Variants in KIRREL3 observed in about 807,000 individuals in gnomAD.
KIRREL3 encodes the protein kin of IRRE-like protein 3.
KIRREL3 carries 36 observed loss-of-function variants against 89.7 expected under a neutral mutation model. The observed-to-expected ratio is 0.40, with a 90% CI of 0.31 to 0.53. The LOEUF (loss-of-function observed/expected upper bound fraction) is 0.53. Ranked by LOEUF, KIRREL3 falls within the 20% of genes least tolerant of loss-of-function variation. The probability of loss-of-function intolerance (pLI) is 0.49; values close to 1 mark genes in which losing one functional copy is unlikely to be tolerated. For synonymous variants in KIRREL3, 445 were observed against 441.4 expected, an observed-to-expected ratio of 1.01 and a Z score of -0.10; for missense variants, 864 against 1,056.6, an observed-to-expected ratio of 0.82 and a Z score of 2.53.
At position 126,763,434 on chromosome 11, in the gene KIRREL3, G is replaced by A. The variant is rs770023897; in HGVS notation, c.56-200522C>T. On this transcript the variant is annotated intron_variant, in intron 1 of 16. Coordinates refer to ENST00000525144, the MANE Select transcript of KIRREL3 (RefSeq NM_032531.4). This position sits in a 1 kb window ranked among gnomAD's most constrained non-coding sequence, Gnocchi z 4.7. ...TGCAGGGGGAGAAGAGCAGGGAGAG[G>A]GCATGAGGATGCAGTGGGTGGGAGG... Among the ~76,000 whole-genome samples, 2 of 152,152 alleles carry A rather than the reference G, an allele frequency of 1.3e-5. No homozygotes were observed. Among genetic ancestry groups the A allele is most frequent in the South Asian group, 2.1e-4 (1 of 4,818 alleles).
chr11:126,575,548 T>C lies in KIRREL3; in HGVS notation c.56-12636A>G, dbSNP rs1209173164. Reference sequence around the variant, plus strand: ...AGCCCCTATAAATGGTACTTACTTATAAATATAATATATTATTAGAAAGTA... The same window carrying C: ...AGCCCCTATAAATGGTACTTACTTACAAATATAATATATTATTAGAAAGTA... On this transcript the variant is annotated intron_variant, in intron 1 of 16. Transcript: ENST00000525144. The surrounding 1 kb of genome is among the most constrained non-coding windows in gnomAD (Gnocchi z 7.0). 2.0e-5 allele frequency among the ~76,000 whole-genome samples: 3 copies of C among 152,190 alleles called. No individual in the cohort carries two copies. Among genetic ancestry groups the C allele is most frequent in the African/African-American group, 7.2e-5 (3 of 41,426 alleles).
chr11:126,690,574 A>C (rs1946842236), intron 1 of KIRREL3, among the ~76,000 whole-genome samples: 1 of 152,096 alleles, frequency 6.6e-6, no homozygotes, highest in Admixed American at 6.5e-5. Flanking sequence ...GTCCCTAGGT[A>C]ACCATCTGTG....
In KIRREL3 at chr11:126,564,817, T is replaced by C. The variant is rs1591746977; in HGVS notation, c.56-1905A>G. Among the ~76,000 whole-genome samples the C allele has an allele frequency of 6.6e-6, 1 of 151,920 alleles. No individual in the cohort carries two copies. Among genetic ancestry groups the C allele is most frequent in the Non-Finnish European group, 1.5e-5 (1 of 67,980 alleles). On this transcript the variant is annotated intron_variant, in intron 1 of 16. Transcript: ENST00000525144. This position sits in a 1 kb window ranked among gnomAD's most constrained non-coding sequence, Gnocchi z 7.4. ...AGTGGAAGTACAAGCTGCGAGGAGGTGCTGAGCTCCCTGGAACAATAGCCT... is the reference window on the plus strand; with the variant it reads ...AGTGGAAGTACAAGCTGCGAGGAGGCGCTGAGCTCCCTGGAACAATAGCCT...
intron 1 of KIRREL3, among the ~76,000 whole-genome samples, chr11:126,839,277 G>A (rs577693241): frequency 6.6e-6 from 1 of 152,290 alleles, no homozygotes; most frequent in East Asian, 1.9e-4. Flanking sequence ...CCTTCAGAGA[G>A]CTCATTGTCT....
intron 1 of KIRREL3, among the ~76,000 whole-genome samples, chr11:126,882,584 G>A (rs905471840): frequency 1.3e-5 from 2 of 152,276 alleles, no homozygotes; most frequent in East Asian, 1.9e-4. Context: ...GAGGAATTAC[G>A]TCCCTCAATC....
Position 126,565,987 on chromosome 11 carries a change from C to T in KIRREL3, c.56-3075G>A, listed in dbSNP as rs1257086132. On this transcript the variant is annotated intron_variant, in intron 1 of 16. Transcript: ENST00000525144. The surrounding 1 kb of genome is among the most constrained non-coding windows in gnomAD (Gnocchi z 5.4). ...ACCACCAGACTGTCACCTTCCTTGTCCCATAGCATGGAGATGAATGGGAGA... is the reference window on the plus strand; with the variant it reads ...ACCACCAGACTGTCACCTTCCTTGTTCCATAGCATGGAGATGAATGGGAGA... 6.6e-6 allele frequency among the ~76,000 whole-genome samples: 1 copy of T among 152,156 alleles called. No individual in the cohort carries two copies. Among genetic ancestry groups the T allele is most frequent in the African/African-American group, 2.4e-5 (1 of 41,428 alleles).
intron 1 of KIRREL3, among the ~76,000 whole-genome samples, chr11:126,942,535 T>C (rs1948485880): frequency 1.3e-5 from 2 of 152,150 alleles, no homozygotes; most frequent in South Asian, 4.1e-4. Flanking sequence ...CCCAGGTCCA[T>C]GTCGTCCCTG....
rs1944904727 is a variant in KIRREL3 at position 126,651,467 on chromosome 11, A to AT, written c.56-88556dup. Among the ~76,000 whole-genome samples, 1 of 152,198 alleles carries AT rather than the reference A, an allele frequency of 6.6e-6. No individual in the cohort carries two copies. The highest frequency in any genetic ancestry group is 6.5e-5 in the Admixed American group (1 of 15,288). On this transcript the variant is annotated intron_variant, in intron 1 of 16. Transcript: ENST00000525144. This position sits in a 1 kb window ranked among gnomAD's most constrained non-coding sequence, Gnocchi z 4.6. ...GAGTCAGTGTAATTTCTCATGGCTG[A>AT]TTTTGACAGGAGATGTCAGGTTAGT...
intron 1 of KIRREL3, among the ~76,000 whole-genome samples, chr11:126,690,393 C>A (rs1181248919): frequency 6.8e-6 from 1 of 147,890 alleles, no homozygotes; most frequent in African/African-American, 2.5e-5. Flanking sequence ...AGTTTCAGAG[C>A]AGTTTTAGGG....
intron 1 of KIRREL3, among the ~76,000 whole-genome samples, chr11:126,714,543 G>A (rs948179470): frequency 6.6e-6 from 1 of 152,158 alleles, no homozygotes; most frequent in Non-Finnish European, 1.5e-5. Flanking sequence ...GTGCTGGAGA[G>A]TTTCCGCCCT....
rs980479853 is a variant in KIRREL3, at chr11:126,860,797, A to G, written c.55+139658T>C. Among the ~76,000 whole-genome samples, 2 of 152,144 alleles carry G rather than the reference A, an allele frequency of 1.3e-5. No homozygotes were observed. Among genetic ancestry groups the G allele is most frequent in the African/African-American group, 2.4e-5 (1 of 41,436 alleles). ...TGAGACTCTTAGAATGTCCAAGGAG[A>G]GGGCAGAGGTACAAATGCAAGATGG... On this transcript the variant is annotated intron_variant, in intron 1 of 16. Coordinates refer to ENST00000525144, the MANE Select transcript of KIRREL3 (RefSeq NM_032531.4). The surrounding 1 kb of genome is among the most constrained non-coding windows in gnomAD (Gnocchi z 4.6).
At chr11:126,921,580 TTCTATCTATCTA>T (rs201891981) in intron 1 of KIRREL3, among the ~76,000 whole-genome samples, 938 of 32,510 alleles carry the variant, frequency 0.029, 49 homozygotes, top group African/African-American at 0.07. Flanking sequence ...TATATCTGTC[TTCTATCTATCTA>T]TCTATCTATC....
intron 4 of KIRREL3, among the ~76,000 whole-genome samples, chr11:126,479,505 C>T (rs1447454521): frequency 6.6e-6 from 1 of 152,248 alleles, no homozygotes; most frequent in African/African-American, 2.4e-5. Context: ...AAAGCAGACT[C>T]TTGTGCTCCA....
In KIRREL3 at chr11:126,568,567, A is replaced by G. The variant is rs1225783976; in HGVS notation, c.56-5655T>C. Among the ~76,000 whole-genome samples the G allele has an allele frequency of 6.6e-6, 1 of 152,190 alleles. No individual in the cohort carries two copies. Among genetic ancestry groups the G allele is most frequent in the Non-Finnish European group, 1.5e-5 (1 of 68,012 alleles). ...ACCAGCTGGGTTTGGTTGGACTCAC[A>G]GGGAGGCCACATGGGGCAGGGGAGG... On this transcript the variant is annotated intron_variant, in intron 1 of 16. Coordinates refer to ENST00000525144, the MANE Select transcript of KIRREL3 (RefSeq NM_032531.4). The surrounding 1 kb of genome is among the most constrained non-coding windows in gnomAD (Gnocchi z 4.6).
At chr11:126,584,535 C>G (rs1314565363) in intron 1 of KIRREL3, among the ~76,000 whole-genome samples, 2 of 152,300 alleles carry the variant, frequency 1.3e-5, no homozygotes, top group South Asian at 4.1e-4. Context: ...TGGGTATGAC[C>G]GAGCCTGGCT....
chr11:126,576,368 T>G lies in KIRREL3; in HGVS notation c.56-13456A>C, dbSNP rs1195879546. Among the ~76,000 whole-genome samples, 1 of 152,120 alleles carries G rather than the reference T, an allele frequency of 6.6e-6. No homozygotes were observed. The highest frequency in any genetic ancestry group is 1.5e-5 in the Non-Finnish European group (1 of 68,030). ...TTCTAATTTCATTCATTCATTCTCA[T>G]TCATTCATTCATTCATTCAAGGAGA... On this transcript the variant is annotated intron_variant, in intron 1 of 16. Coordinates refer to ENST00000525144, the MANE Select transcript of KIRREL3 (RefSeq NM_032531.4). The surrounding 1 kb of genome is among the most constrained non-coding windows in gnomAD (Gnocchi z 5.4).
rs1222491485 is a variant in KIRREL3 at position 126,472,966 on chromosome 11, C to T, written c.591+343G>A. On this transcript the variant is annotated intron_variant, in intron 5 of 16. Transcript: ENST00000525144. ...CCTAAGCCCAGCCCCTCCCCAGCAG[C>T]CCCCCACCATCCTCCTCTCTACCTA... Among the ~76,000 whole-genome samples, 72 of 102,860 alleles carry T rather than the reference C, an allele frequency of 7.0e-4. 1 individual carries two copies. The highest frequency in any genetic ancestry group is 2.5e-3 in the African/African-American group (60 of 24,280). 67.5% of individuals were successfully genotyped at this position (102,860 alleles called of 152,430 possible). A position where few individuals can be genotyped will look rare whatever the true frequency, so the allele number is the denominator to read the frequency against.
At position 126,525,293 on chromosome 11, in the gene KIRREL3, T is replaced by C. The variant is rs927490586; in HGVS notation, c.283+1245A>G. On this transcript the variant is annotated intron_variant, in intron 3 of 16. Coordinates refer to ENST00000525144, the MANE Select transcript of KIRREL3 (RefSeq NM_032531.4). The surrounding 1 kb of genome is among the most constrained non-coding windows in gnomAD (Gnocchi z 5.4). ...GCTCGGAGCCATTCAGTGCATGAAC[T>C]ATTCTAGTTTGGGAAGGTTGTATCA... Among the ~76,000 whole-genome samples, 2 of 152,204 alleles carry C rather than the reference T, an allele frequency of 1.3e-5. No individual in the cohort carries two copies. Among genetic ancestry groups the C allele is most frequent in the African/African-American group, 4.8e-5 (2 of 41,462 alleles).
rs60859612 is a variant in KIRREL3 at position 126,724,578 on chromosome 11, A to G, written c.56-161666T>C. Among the ~76,000 whole-genome samples the G allele has an allele frequency of 0.075, 11,460 of 152,210 alleles. 665 individuals are homozygous for G. Among genetic ancestry groups the G allele is most frequent in the African/African-American group, 0.16 (6,731 of 41,504 alleles). On this transcript the variant is annotated intron_variant, in intron 1 of 16. Transcript: ENST00000525144. This position sits in a 1 kb window ranked among gnomAD's most constrained non-coding sequence, Gnocchi z 4.3. ...GCTGAAGCAACACGTTTCTGTCCCC[A>G]AGGGATGAAGAAGTTTCTTCAGCTG...
Sources: gnomAD v4.1 joint callset for allele counts (sites outside exome capture counted in the v4.1 genomes callset) on GRCh38, gnomAD v4.1.1 for gene constraint, Gnocchi (gnomAD v3.1) non-coding constraint, MANE v1.5 for transcripts, NCBI Gene and HGNC (gene_info 2026-07-23, HGNC 2026-07-21) for gene names.